Variants in EBF1 observed in about 807,000 individuals in gnomAD.
EBF1 encodes the protein transcription factor COE1.
EBF1 carries 10 observed loss-of-function variants against 68.4 expected under a neutral mutation model. The observed-to-expected ratio is 0.15, with a 90% CI of 0.09 to 0.25. The LOEUF (loss-of-function observed/expected upper bound fraction) is 0.25. Among genes scored for constraint, EBF1 ranks in the 10% least tolerant of loss-of-function variants. The pLI is 1.00. For synonymous variants in EBF1, 298 were observed against 299.8 expected, an observed-to-expected ratio of 0.99 and a Z score of 0.06; for missense variants, 509 against 794.4, an observed-to-expected ratio of 0.64 and a Z score of 4.32.
At chr5:158,751,046 C>A (rs546470142) in intron 10 of EBF1, among the ~76,000 whole-genome samples, 2 of 151,982 alleles carry the variant, frequency 1.3e-5, no homozygotes, top group Admixed American at 1.3e-4. Flanking sequence ...GTGAAAAAAA[C>A]AGGATATAAA....
intron 6 of EBF1, among the ~76,000 whole-genome samples, chr5:158,849,798 C>A (rs891319353): frequency 6.6e-6 from 1 of 152,188 alleles, no homozygotes; most frequent in South Asian, 2.1e-4. Context: ...AAATAACAAA[C>A]AACTGCATTG....
At chr5:158,714,726 C>T (rs1760251108) in intron 11 of EBF1, among the ~76,000 whole-genome samples, 3 of 152,208 alleles carry the variant, frequency 2.0e-5, no homozygotes, top group South Asian at 4.1e-4. Context: ...AGGCAATGCA[C>T]TGTTTGTCAA....
intron 6 of EBF1, among the ~76,000 whole-genome samples, chr5:159,013,292 AC>A (rs1765019430): frequency 6.6e-6 from 1 of 152,240 alleles, no homozygotes; most frequent in Non-Finnish European, 1.5e-5. Context: ...AAAAGCAGAC[AC>A]AGGCCCTGCC....
chr5:158,860,878 C>T (rs892864571), intron 6 of EBF1, among the ~76,000 whole-genome samples: 3 of 152,142 alleles, frequency 2.0e-5, no homozygotes, highest in East Asian at 1.9e-4. Flanking sequence ...CAAGGGTGAG[C>T]GTGGGCCTCT....
chr5:158,798,747 CAAGA>C (rs1166252340), intron 8 of EBF1, among the ~76,000 whole-genome samples: 8 of 152,154 alleles, frequency 5.3e-5, no homozygotes, highest in African/African-American at 1.7e-4. Context: ...GCCTCAGAGG[CAAGA>C]AAGAGCATCA....
chr5:158,704,256 C>T (rs548607436), intron 15 of EBF1, among the ~76,000 whole-genome samples: 1 of 152,110 alleles, frequency 6.6e-6, no homozygotes, highest in Admixed American at 6.5e-5. Flanking sequence ...GTGACATGGC[C>T]GTGCTTAGTT....
chr5:158,786,022 GA>G (rs1777357865), intron 9 of EBF1, among the ~76,000 whole-genome samples: 1 of 152,034 alleles, frequency 6.6e-6, no homozygotes. Context: ...AACATTGAAT[GA>G]ATAAATATCG....
intron 10 of EBF1, among the ~76,000 whole-genome samples, chr5:158,745,251 A>C (rs912647547): frequency 4.6e-5 from 7 of 152,184 alleles, no homozygotes; most frequent in Admixed American, 2.6e-4. Flanking sequence ...CATTACAATC[A>C]CATATTTGTT....
chr5:158,905,383 T>C (rs371685117), intron 6 of EBF1, among the ~76,000 whole-genome samples: 1 of 152,194 alleles, frequency 6.6e-6, no homozygotes, highest in South Asian at 2.1e-4. Context: ...TGCACTCTCT[T>C]GATCATGAGA....
chr5:158,803,379 A>C (rs2127768039), intron 8 of EBF1, among the ~76,000 whole-genome samples: 1 of 144,688 alleles, frequency 6.9e-6, no homozygotes, highest in South Asian at 2.2e-4. Context: ...TTTTCAGTGA[A>C]TGATGACCTT....
At chr5:158,936,286 T>C (rs1812001125) in intron 6 of EBF1, among the ~76,000 whole-genome samples, 1 of 152,198 alleles carries the variant, frequency 6.6e-6, no homozygotes, top group South Asian at 2.1e-4. Context: ...CACATATATA[T>C]AGCAGAGAGC....
At chr5:158,964,354 G>C (rs1191643466) in intron 6 of EBF1, among the ~76,000 whole-genome samples, 1 of 152,160 alleles carries the variant, frequency 6.6e-6, no homozygotes, top group African/African-American at 2.4e-5. Context: ...GCAGAAGAGT[G>C]ATGTCAGAAG....
chr5:158,869,751 T>C (rs1043604431), intron 6 of EBF1, among the ~76,000 whole-genome samples: 2 of 152,202 alleles, frequency 1.3e-5, no homozygotes, highest in African/African-American at 2.4e-5. Flanking sequence ...ACATATTCAC[T>C]ACTTGATCTT....
chr5:158,993,889 G>T (rs370334634), intron 6 of EBF1, among the ~76,000 whole-genome samples: 84 of 152,298 alleles, frequency 5.5e-4, no homozygotes, highest in African/African-American at 1.9e-3. Flanking sequence ...TCCAACTGGG[G>T]AGGAAAGGGC....
intron 6 of EBF1, among the ~76,000 whole-genome samples, chr5:158,938,294 C>T (rs957304544): frequency 8.5e-5 from 13 of 152,186 alleles, no homozygotes; most frequent in Non-Finnish European, 1.5e-4. Flanking sequence ...CTAGTGCCTT[C>T]CAGGCCCTGA....
chr5:158,784,738 G>T (rs1416976955), intron 9 of EBF1, among the ~76,000 whole-genome samples: 1 of 152,104 alleles, frequency 6.6e-6, no homozygotes, highest in Non-Finnish European at 1.5e-5. Context: ...AAAGAGAAGG[G>T]ATAAAAGGAA....
At chr5:158,844,522 T>C (rs1164447470) in intron 6 of EBF1, among the ~76,000 whole-genome samples, 1 of 152,238 alleles carries the variant, frequency 6.6e-6, no homozygotes, top group Admixed American at 6.5e-5. Context: ...GTGATCTTAA[T>C]CATCACTTAG....
intron 10 of EBF1, among the ~76,000 whole-genome samples, chr5:158,750,929 G>T (rs190898895): frequency 6.6e-6 from 1 of 152,132 alleles, no homozygotes; most frequent in Non-Finnish European, 1.5e-5. Flanking sequence ...TCTAGCAATA[G>T]TGAATGGATA....
chr5:158,863,202 C>G (rs530709616), intron 6 of EBF1, among the ~76,000 whole-genome samples: 101 of 152,268 alleles, frequency 6.6e-4, no homozygotes, highest in Middle Eastern at 3.4e-3. Context: ...AGCCTCCCCC[C>G]ATGTAAGTCC....
Sources: gnomAD v4.1 joint callset for allele counts (sites outside exome capture counted in the v4.1 genomes callset) on GRCh38, gnomAD v4.1.1 for gene constraint, MANE v1.5 for transcripts, NCBI Gene and HGNC (gene_info 2026-07-23, HGNC 2026-07-21) for gene names.